KATNAL1: variants seen among roughly 807,000 people sequenced by gnomAD.
The protein encoded by KATNAL1 is katanin catalytic subunit A1 like 1.
Under a neutral mutation model 55.2 loss-of-function variants are expected in KATNAL1, and 32 were observed. The observed-to-expected ratio is 0.58, with a 90% CI of 0.44 to 0.78. The LOEUF is 0.78. Among genes scored for constraint, KATNAL1 ranks in the 30% least tolerant of loss-of-function variants. The probability of loss-of-function intolerance (pLI) is 0.00; values close to 1 mark genes in which losing one functional copy is unlikely to be tolerated. For synonymous variants in KATNAL1, 193 were observed against 193.6 expected, an observed-to-expected ratio of 1.00 and a Z score of 0.02; for missense variants, 466 against 600.9, an observed-to-expected ratio of 0.78 and a Z score of 2.35.
At chr13:30,218,168 A>C (rs768762901) in intron 9 of KATNAL1, among the ~76,000 whole-genome samples, 1 of 150,360 alleles carries the variant, frequency 6.7e-6, no homozygotes, top group Non-Finnish European at 1.5e-5. Flanking sequence ...AAATAGACAC[A>C]GATAGGATAC....
At chr13:30,288,518 T>A (rs1289607559) in intron 1 of KATNAL1, among the ~76,000 whole-genome samples, 1 of 152,240 alleles carries the variant, frequency 6.6e-6, no homozygotes, top group South Asian at 2.1e-4. Flanking sequence ...AATTACTTGA[T>A]ATTACTTGTG....
chr13:30,301,064 T>C (rs1028305813), intron 1 of KATNAL1, among the ~76,000 whole-genome samples: 1 of 152,202 alleles, frequency 6.6e-6, no homozygotes, highest in Non-Finnish European at 1.5e-5. Context: ...TGTCTCAAGA[T>C]GACAGCTTAA....
chr13:30,232,099 A>G (rs897113061), intron 6 of KATNAL1, among the ~76,000 whole-genome samples: 6 of 152,234 alleles, frequency 3.9e-5, no homozygotes, highest in African/African-American at 1.2e-4. Context: ...AACTTCAGTT[A>G]CTTCTTAGTT....
At chr13:30,271,755 C>G (rs1232181197) in intron 3 of KATNAL1, among the ~76,000 whole-genome samples, 1 of 151,956 alleles carries the variant, frequency 6.6e-6, no homozygotes, top group Non-Finnish European at 1.5e-5. Context: ...AAAACATGAG[C>G]TCCTGGAGGG....
intron 3 of KATNAL1, among the ~76,000 whole-genome samples, chr13:30,265,310 A>G (rs1879663278): frequency 1.3e-5 from 2 of 152,052 alleles, no homozygotes; most frequent in Admixed American, 6.5e-5. Context: ...CCAGCATGGC[A>G]TATGTATACA....
intron 1 of KATNAL1, among the ~76,000 whole-genome samples, chr13:30,284,113 G>A (rs1341151795): frequency 6.6e-6 from 1 of 152,122 alleles, no homozygotes; most frequent in Non-Finnish European, 1.5e-5. Context: ...ACCCACCTAA[G>A]CCTCCCAAAG....
chr13:30,270,827 TTTATC>T (rs1880291550), intron 3 of KATNAL1, among the ~76,000 whole-genome samples: 1 of 150,930 alleles, frequency 6.6e-6, no homozygotes, highest in African/African-American at 2.4e-5. Context: ...TGTTCACTTG[TTTATC>T]TGCTGACCTT....
chr13:30,223,368 G>T (rs1315467583), intron 9 of KATNAL1, among the ~76,000 whole-genome samples: 1 of 148,730 alleles, frequency 6.7e-6, no homozygotes, highest in East Asian at 2.0e-4. Context: ...TGTGAACCTG[G>T]GAGGCAGAGC....
rs139295543 is a variant in KATNAL1, at chr13:30,245,976, G to A, written c.493-4890C>T. 1.7e-3 allele frequency among the ~76,000 whole-genome samples: 257 copies of A among 152,160 alleles called. 1 individual carries two copies. Among genetic ancestry groups the A allele is most frequent in the African/African-American group, 5.6e-3 (232 of 41,528 alleles). On this transcript the variant is annotated intron_variant, in intron 4 of 10. Coordinates refer to ENST00000380615, the MANE Select transcript of KATNAL1 (RefSeq NM_032116.5). ...CGTGAAAATGGCCATACTGCCCAACGTAATTTACAGATTCAATGCTATCCC... is the reference window on the plus strand; with the variant it reads ...CGTGAAAATGGCCATACTGCCCAACATAATTTACAGATTCAATGCTATCCC...
chr13:30,233,690 A>T (rs1876348263), intron 6 of KATNAL1, among the ~76,000 whole-genome samples: 1 of 152,184 alleles, frequency 6.6e-6, no homozygotes, highest in Non-Finnish European at 1.5e-5. Context: ...TACAAAATCA[A>T]CCTAAGTGCC....
intron 9 of KATNAL1, among the ~76,000 whole-genome samples, chr13:30,217,260 G>T (rs187249369): frequency 6.6e-6 from 1 of 152,054 alleles, no homozygotes; most frequent in Non-Finnish European, 1.5e-5. Context: ...AGACCATCCC[G>T]GCTAACACGG....
intron 2 of KATNAL1, among the ~76,000 whole-genome samples, chr13:30,281,431 A>G (rs1024924298): frequency 6.6e-6 from 1 of 152,198 alleles, no homozygotes; most frequent in Non-Finnish European, 1.5e-5. Flanking sequence ...ACTATTTAAC[A>G]CACACAATTC....
intron 1 of KATNAL1, among the ~76,000 whole-genome samples, chr13:30,297,562 A>C (rs1460755870): frequency 6.6e-6 from 1 of 152,172 alleles, no homozygotes; most frequent in Admixed American, 6.5e-5. Flanking sequence ...AGACACATGC[A>C]CTCGTATCTT....
At chr13:30,227,964 A>G (rs1479155557) in intron 8 of KATNAL1, among the ~76,000 whole-genome samples, 1 of 152,182 alleles carries the variant, frequency 6.6e-6, no homozygotes, top group Non-Finnish European at 1.5e-5. Context: ...TCAAGAAGTG[A>G]AAACAGAGGG....
At chr13:30,298,270 G>GCAAA (rs1882650729) in intron 1 of KATNAL1, among the ~76,000 whole-genome samples, 1 of 152,056 alleles carries the variant, frequency 6.6e-6, no homozygotes, top group Admixed American at 6.6e-5. Context: ...AAACTCATAT[G>GCAAA]GTATATACTC....
At chr13:30,234,962 A>T (rs2137406969) in intron 6 of KATNAL1, among the ~76,000 whole-genome samples, 1 of 152,260 alleles carries the variant, frequency 6.6e-6, no homozygotes, top group South Asian at 2.1e-4. Context: ...CAACAAGACT[A>T]CTCAGGATGG....
At chr13:30,269,011 T>TA (rs1880005001) in intron 3 of KATNAL1, among the ~76,000 whole-genome samples, 1 of 152,102 alleles carries the variant, frequency 6.6e-6, no homozygotes, top group South Asian at 2.1e-4. Context: ...TATAATATAA[T>TA]AATATCAGGT....
rs563694722 is a variant in KATNAL1, at chr13:30,206,802, G to A, written c.*1738C>T. On this transcript the variant is annotated 3_prime_UTR_variant, in exon 11 of 11. Coordinates refer to ENST00000380615, the MANE Select transcript of KATNAL1 (RefSeq NM_032116.5). Reference sequence around the variant, plus strand: ...ACTGGCAATAGTTTGCAAAATAATCGTAATGAAACTACTTATTTCTTTATT... The same window carrying A: ...ACTGGCAATAGTTTGCAAAATAATCATAATGAAACTACTTATTTCTTTATT... 11 of 152,106 alleles carry A rather than the reference G, an allele frequency of 7.2e-5. No individual in the cohort carries two copies. The South Asian group carries it at 1.7e-3, about 23-fold the overall frequency. 9.4% of individuals were successfully genotyped at this position (152,106 alleles called of 1,614,324 possible). A position where few individuals can be genotyped will look rare whatever the true frequency, so the allele number is the denominator to read the frequency against.
At chr13:30,208,776 C>A in intron 10 of KATNAL1, 38 bp from the exon 11 acceptor site, 1 of 1,436,250 alleles carries the variant, frequency 7.0e-7, no homozygotes. Flanking sequence ...GTAATTTTTG[C>A]ACATGTTTTA....
Sources: gnomAD v4.1 joint callset for allele counts (sites outside exome capture counted in the v4.1 genomes callset) on GRCh38, gnomAD v4.1.1 for gene constraint, MANE v1.5 for transcripts, NCBI Gene and HGNC (gene_info 2026-07-23, HGNC 2026-07-21) for gene names.